Variants in RTEL1 observed in about 807,000 individuals in gnomAD.
The protein encoded by RTEL1 is regulator of telomere elongation helicase 1, also known as regulator of telomere length.
A neutral mutation model predicts 162.2 loss-of-function variants in RTEL1; 86 were observed. The ratio of observed to expected loss-of-function variants is 0.53; its 90% CI spans 0.45 to 0.63. The LOEUF is 0.63. Ranked by LOEUF, RTEL1 falls within the 30% of genes least tolerant of loss-of-function variation. The pLI is 0.00. For synonymous variants in RTEL1, 958 were observed against 717.9 expected (o/e 1.33, Z -5.35); for missense variants, 1,941 against 1,750.2 (o/e 1.11, Z -1.95).
At chr20:63,689,194 C>A in intron 22 of RTEL1, 62 bp downstream of exon 22, 2 of 1,504,912 alleles carry the variant, frequency 1.3e-6, no homozygotes, top group Non-Finnish European at 1.8e-6. Context: ...GTGCTTATGG[C>A]TCCCCAGCAG....
chr20:63,688,939 G>C, intron 21 of RTEL1, 116 bp from the exon 22 acceptor site: 1 of 909,770 alleles, frequency 1.1e-6, no homozygotes, highest in East Asian at 2.4e-5. Flanking sequence ...GAACCCGATT[G>C]GCCTTCCTGG....
In RTEL1 at chr20:63,688,022, G is replaced by A; in HGVS notation, c.1567G>A (p.Ala523Thr). The A allele has an allele frequency of 6.2e-7, 1 of 1,612,774 alleles. No individual in the cohort carries two copies. The highest frequency in any genetic ancestry group is 1.1e-5 in the South Asian group (1 of 91,078). The change falls in exon 18 of 35, where the codon GCC becomes ACC. Residue 523 changes from alanine to threonine, a missense_variant. Physicochemically the swap from Ala to Thr is moderately conservative, Grantham distance 58. Transcript: ENST00000360203. ...GGTCGTCCCCAGAGGCCCCGATGGA[G>A]CCCAGTTGAGCTCCGCGTTTGACAG... ...VGVVPRGPDG[A>T]QLSSAFDRRF...
Position 63,687,962 on chromosome 20 carries a change from C to A in RTEL1, c.1507C>A (p.Pro503Thr), listed in dbSNP as rs1343120488. ...QIPFPVCLEN[P>T]HIIDKHQIWV... ...CCCTTTCCCAGTCTGCCTGGAGAAC[C>A]CACACATCATCGACAAGCACCAGAT... is the stretch of plus-strand genomic sequence containing the variant. Residue 503 changes from proline to threonine, a missense_variant, in exon 18 of 35, where the codon CCA (proline) becomes ACA (threonine). Coordinates refer to ENST00000360203, the MANE Select transcript of RTEL1 (RefSeq NM_001283009.2). 2 of 1,612,582 alleles carry A rather than the reference C, an allele frequency of 1.2e-6. No homozygotes were observed. The highest frequency in any genetic ancestry group is 1.1e-5 in the South Asian group (1 of 91,080).
Position 63,661,720 on chromosome 20 carries a change from A to G in RTEL1, c.302-130A>G. Reference sequence around the variant, plus strand: ...CAGATGCCCACTTCACCCATTTTTGATAAACCAGTATCTGGGGTGTCAGAT... The same window carrying G: ...CAGATGCCCACTTCACCCATTTTTGGTAAACCAGTATCTGGGGTGTCAGAT... On this transcript the variant is annotated intron_variant, in intron 3 of 34. Coordinates refer to ENST00000360203, the MANE Select transcript of RTEL1 (RefSeq NM_001283009.2). The surrounding 1 kb of genome is among the most constrained non-coding windows in gnomAD (Gnocchi z 5.1). 1 of 932,244 alleles carries G rather than the reference A, an allele frequency of 1.1e-6. No individual in the cohort carries two copies. Among genetic ancestry groups the G allele is most frequent in the Non-Finnish European group, 1.7e-6 (1 of 599,094 alleles). The allele number at this position is 932,244 out of a possible 1,614,324, so 57.7% of individuals were successfully genotyped here. A position where few individuals can be genotyped will look rare whatever the true frequency, so the allele number is the denominator to read the frequency against.
At chr20:63,674,305 C>G (rs943402481) in intron 10 of RTEL1, among the ~76,000 whole-genome samples, 2 of 152,216 alleles carry the variant, frequency 1.3e-5, no homozygotes, top group Admixed American at 1.3e-4. Flanking sequence ...GCAGGGCATC[C>G]GCTTCTCTCA....
intron 6 of RTEL1, chr20:63,663,093 C>T (rs368794385): frequency 3.1e-5 from 19 of 613,516 alleles, no homozygotes; most frequent in South Asian, 1.9e-4. Flanking sequence ...GACAGCCAGC[C>T]GGCAAGACTG....
intron 10 of RTEL1, among the ~76,000 whole-genome samples, chr20:63,675,268 A>G (rs778029636): frequency 5.6e-4 from 85 of 152,172 alleles, no homozygotes; most frequent in Non-Finnish European, 1.1e-3. Context: ...GAATATCTTC[A>G]TAGGTTCTGC....
rs767774517 is a variant in RTEL1 at position 63,690,319 on chromosome 20, C to T, written c.2291C>T (p.Thr764Ile). The change falls in exon 26 of 35, where the codon ACA becomes ATA. Residue 764 changes from threonine to isoleucine, a missense_variant. Thr to Ile is a moderately conservative substitution (Grantham distance 89). Transcript: ENST00000360203. ...ATGCCAGCGCCGGCCCCCCGGGCTA[C>T]AGCACCCAGTGTGCGTGGAGAAGAT... ...RTMPAPAPRA[T>I]APSVRGEDAV... The T allele has an allele frequency of 6.2e-7, 1 of 1,609,608 alleles. No individual in the cohort carries two copies. Among genetic ancestry groups the T allele is most frequent in the South Asian group, 1.1e-5 (1 of 90,924 alleles).
intron 4 of RTEL1, chr20:63,662,344 T>G: frequency 1.0e-6 from 1 of 988,094 alleles, no homozygotes; most frequent in Non-Finnish European, 1.5e-6. Flanking sequence ...CAGGGTGCTG[T>G]GGAAGCTGTC....
In RTEL1 at chr20:63,695,711, A is replaced by G; in HGVS notation, c.3822+61A>G. On this transcript the variant is annotated intron_variant, in intron 34 of 34. Transcript: ENST00000360203. ...AGCCCCAGGTGATGGGCTGAGGGGG[A>G]AAGGGCAGGCCCTTGTCCTGGTGGC... 4 of 1,605,418 alleles carry G rather than the reference A, an allele frequency of 2.5e-6. No homozygotes were observed. The South Asian group carries it at 3.3e-5, about 13-fold the overall frequency.
At position 63,662,714 on chromosome 20, in the gene RTEL1, G is replaced by A. The variant is rs535783649; in HGVS notation, c.477+87G>A. On this transcript the variant is annotated intron_variant, in intron 5 of 34. Transcript: ENST00000360203. ...GAGCCCCAGGCTGCGCTCCCGCTGG[G>A]CTAGGGTTTGAAGTTCACTGGGGGA... The A allele has an allele frequency of 2.5e-6, 4 of 1,603,520 alleles. No individual in the cohort carries two copies. The South Asian group carries it at 4.4e-5, about 18-fold the overall frequency.
At chr20:63,674,716 A>T (rs1200666174) in intron 10 of RTEL1, among the ~76,000 whole-genome samples, 1 of 151,988 alleles carries the variant, frequency 6.6e-6, no homozygotes, top group Non-Finnish European at 1.5e-5. Flanking sequence ...AAAAAAGGAA[A>T]ACTAAATATA....
chr20:63,664,109 T>A (rs12480034), intron 6 of RTEL1, among the ~76,000 whole-genome samples: 12,855 of 152,258 alleles, frequency 0.084, 601 homozygotes, highest in African/African-American at 0.11. Flanking sequence ...GGCCTTTTTG[T>A]TGGTCCTAAG....
At chr20:63,694,323 C>G (rs555831397) in intron 30 of RTEL1, 49 bp from the exon 31 acceptor site, 3 of 1,232,988 alleles carry the variant, frequency 2.4e-6, no homozygotes, top group Non-Finnish European at 3.6e-6. Flanking sequence ...CCCCAGGGAA[C>G]TTTCCAGATG....
chr20:63,690,679 C>T lies in RTEL1; in HGVS notation c.2414-126C>T, dbSNP rs1032039312. 2.7e-6 allele frequency: 3 copies of T among 1,125,266 alleles called. No homozygotes were observed. The African/African-American group carries it at 4.7e-5, about 18-fold the overall frequency. The allele number at this position is 1,125,266 out of a possible 1,614,324, so 69.7% of individuals were successfully genotyped here. A position where few individuals can be genotyped will look rare whatever the true frequency, so the allele number is the denominator to read the frequency against. On this transcript the variant is annotated intron_variant, in intron 26 of 34. Coordinates refer to ENST00000360203, the MANE Select transcript of RTEL1 (RefSeq NM_001283009.2). ...CCGAGGCTGAGACTCCCCCCAATAG[C>T]AGGGAGGACACCCACAGGCAGGACC...
intron 14 of RTEL1, chr20:63,682,791 TC>T: frequency 1.4e-6 from 1 of 726,726 alleles, no homozygotes; most frequent in Non-Finnish European, 1.7e-6. Flanking sequence ...GGAGGCGAAC[TC>T]CAGGCAGGGT....
intron 10 of RTEL1, among the ~76,000 whole-genome samples, chr20:63,674,692 C>A (rs1406341915): frequency 1.4e-5 from 2 of 146,838 alleles, no homozygotes; most frequent in Admixed American, 6.8e-5. Context: ...AGAGTGAGGC[C>A]ATCTCAAAAA....
At chr20:63,681,061 G>T in intron 14 of RTEL1, 1 of 985,426 alleles carries the variant, frequency 1.0e-6, no homozygotes, top group Non-Finnish European at 1.2e-6. Flanking sequence ...CCAGCTGCAC[G>T]CAGATGAAGA....
chr20:63,662,516 T>C, intron 4 of RTEL1, 30 bp from the exon 5 acceptor site: 1 of 1,612,844 alleles, frequency 6.2e-7, no homozygotes, highest in Non-Finnish European at 8.5e-7. Context: ...AGACAGCTCC[T>C]CCTCGACCCA....
Sources: gnomAD v4.1 joint callset for allele counts (sites outside exome capture counted in the v4.1 genomes callset) on GRCh38, gnomAD v4.1.1 for gene constraint, Gnocchi (gnomAD v3.1) non-coding constraint, MANE v1.5 for transcripts, NCBI Gene and HGNC (gene_info 2026-07-23, HGNC 2026-07-21) for gene names.